Variants in GALK2 observed in about 807,000 individuals in gnomAD.
GALK2 encodes galactokinase 2.
A neutral mutation model predicts 52.4 loss-of-function variants in GALK2; 36 were observed. The observed-to-expected ratio is 0.69, with a 90% confidence interval of 0.53 to 0.91. GALK2 has a LOEUF of 0.91. GALK2 is among the 40% of genes least tolerant of loss of function. The pLI is 0.00. For missense variants in GALK2, 579 were observed against 559.1 expected, an observed-to-expected ratio of 1.04 and a Z score of -0.36; for synonymous variants, 176 against 199.1, an observed-to-expected ratio of 0.88 and a Z score of 0.98.
At chr15:49,199,086 A>G (rs570108653) in intron 1 of GALK2, 1 of 152,304 alleles carries the variant, frequency 6.6e-6, no homozygotes, top group South Asian at 2.1e-4. Context: ...CTTAGTGCAG[A>G]CACCTGGACA....
chr15:49,323,915 A>G (rs1289821849), intron 9 of GALK2, among the ~76,000 whole-genome samples: 1 of 152,254 alleles, frequency 6.6e-6, no homozygotes, highest in African/African-American at 2.4e-5. Context: ...AAAGTAAATA[A>G]TGAAGGAAAA....
chr15:49,204,912 C>T (rs960880356), intron 2 of GALK2, among the ~76,000 whole-genome samples: 51 of 152,278 alleles, frequency 3.3e-4, no homozygotes, highest in African/African-American at 1.2e-3. Context: ...TTTGCATCCT[C>T]ATAGCTTAGC....
intron 4 of GALK2, 63 bp downstream of exon 4, chr15:49,236,004 A>G (rs1595779983): frequency 1.0e-6 from 1 of 964,988 alleles, no homozygotes; most frequent in Admixed American, 1.8e-5. Context: ...TGTCAGATTT[A>G]TTTTATTTAC....
chr15:49,323,304 C>T (rs1339991781), intron 9 of GALK2, among the ~76,000 whole-genome samples: 1 of 152,098 alleles, frequency 6.6e-6, no homozygotes, highest in African/African-American at 2.4e-5. Flanking sequence ...TTAAAAACCA[C>T]CACCACCTCC....
At chr15:49,246,007 G>A (rs1271302983) in intron 5 of GALK2, among the ~76,000 whole-genome samples, 1 of 152,118 alleles carries the variant, frequency 6.6e-6, no homozygotes, top group African/African-American at 2.4e-5. Flanking sequence ...TTGTGTTTAG[G>A]TTTTAGGGTG....
At chr15:49,159,819 T>G (rs868547092) in intron 1 of GALK2, among the ~76,000 whole-genome samples, 1 of 152,186 alleles carries the variant, frequency 6.6e-6, no homozygotes, top group African/African-American at 2.4e-5. Context: ...ATAGTGGACA[T>G]GTATATACCC....
upstream of GALK2, among the ~76,000 whole-genome samples, chr15:49,165,369 C>A (rs948763041): frequency 6.6e-6 from 1 of 152,064 alleles, no homozygotes; most frequent in Admixed American, 6.6e-5. Flanking sequence ...TCAGACTTGC[C>A]TAGGGTCACA....
At position 49,164,157 on chromosome 15, in the gene GALK2, A is replaced by G. The variant is rs140025540; in HGVS notation, c.20+8141A>G. Among the ~76,000 whole-genome samples, 73 of 152,312 alleles carry G rather than the reference A, an allele frequency of 4.8e-4. 1 individual carries two copies. In the East Asian group the frequency reaches 0.014, roughly 28 times the overall value. On this transcript the variant is annotated intron_variant, in intron 1 of 9. Transcript: ENST00000327171. ...CTTCAGAATGCTCCAGACTGCAATT[A>G]TATCTTTCATCTCTATAGTTGACAT...
chr15:49,194,823 T>G (rs148782700), intron 1 of GALK2, among the ~76,000 whole-genome samples: 9,009 of 151,824 alleles, frequency 0.059, 521 homozygotes, highest in African/African-American at 0.14. Context: ...TTGAACTTCC[T>G]CCCTCAGGTG....
downstream of GALK2, among the ~76,000 whole-genome samples, chr15:49,333,131 A>C (rs1432573301): frequency 6.6e-6 from 1 of 152,088 alleles, no homozygotes; most frequent in Admixed American, 6.6e-5. Flanking sequence ...TTTAGTTTAC[A>C]ATCTCCCCTC....
chr15:49,235,442 A>G (rs1032401571), intron 3 of GALK2, among the ~76,000 whole-genome samples: 11 of 152,128 alleles, frequency 7.2e-5, no homozygotes, highest in African/African-American at 2.4e-4. Context: ...AATTGTGCAG[A>G]TGGTAAAATT....
intron 1 of GALK2, chr15:49,156,895 C>G: frequency 1.9e-6 from 1 of 529,114 alleles, no homozygotes; most frequent in East Asian, 5.7e-5. Context: ...ATCCCTCATC[C>G]TGTATATTTT....
intron 5 of GALK2, among the ~76,000 whole-genome samples, chr15:49,278,235 C>T (rs1159971357): frequency 5.3e-5 from 8 of 152,062 alleles, no homozygotes; most frequent in Admixed American, 3.9e-4. Context: ...TACTCCAGCC[C>T]GGGCGACAGA....
intron 4 of GALK2, among the ~76,000 whole-genome samples, 169 bp downstream of exon 4, chr15:49,236,110 G>A (rs375160862): frequency 6.6e-6 from 1 of 152,116 alleles, no homozygotes. Context: ...ACTGTTTTGG[G>A]GTGGTGTTCA....
At chr15:49,164,145 C>T (rs1385329581) in intron 1 of GALK2, among the ~76,000 whole-genome samples, 1 of 152,094 alleles carries the variant, frequency 6.6e-6, no homozygotes. Flanking sequence ...CAGAATGCTC[C>T]AGACTGCAAT....
intron 3 of GALK2, among the ~76,000 whole-genome samples, chr15:49,233,034 A>T (rs1181409156): frequency 6.6e-6 from 1 of 152,176 alleles, no homozygotes; most frequent in Non-Finnish European, 1.5e-5. Context: ...CTTTATACCA[A>T]TGCCCCTGTC....
At chr15:49,234,032 T>C (rs1390287735) in intron 3 of GALK2, among the ~76,000 whole-genome samples, 1 of 152,166 alleles carries the variant, frequency 6.6e-6, no homozygotes, top group African/African-American at 2.4e-5. Context: ...TCCATGTTAT[T>C]GAGTTAAAAT....
At chr15:49,226,813 T>A (rs554234838) in intron 3 of GALK2, 1 of 152,316 alleles carries the variant, frequency 6.6e-6, no homozygotes, top group East Asian at 1.9e-4. Context: ...ACTTTTTGAT[T>A]TCTATGTTAA....
intron 3 of GALK2, among the ~76,000 whole-genome samples, chr15:49,228,490 C>T (rs535366131): frequency 7.3e-5 from 11 of 149,730 alleles, no homozygotes; most frequent in African/African-American, 2.7e-4. Flanking sequence ...CTTTCTTCTG[C>T]TTGATCTAGT....
Sources: gnomAD v4.1 joint callset for allele counts (sites outside exome capture counted in the v4.1 genomes callset) on GRCh38, gnomAD v4.1.1 for gene constraint, MANE v1.5 for transcripts, NCBI Gene and HGNC (gene_info 2026-07-23, HGNC 2026-07-21) for gene names.